The following GPATCH2 variants were observed in gnomAD, a reference collection of about 807,000 sequenced individuals.
GPATCH2 encodes the protein G-patch domain containing 2, also known as G patch domain-containing protein 2.
A neutral mutation model predicts 58.0 loss-of-function variants in GPATCH2; 51 were observed. The ratio of observed to expected loss-of-function variants is 0.88; its 90% CI spans 0.70 to 1.11. GPATCH2 has a LOEUF of 1.11. GPATCH2 is among the 50% of genes most tolerant of loss of function. GPATCH2 has a pLI of 0.00. For synonymous variants in GPATCH2, 222 were observed against 218.5 expected (o/e 1.02, Z -0.14); for missense variants, 625 against 652.2 (o/e 0.96, Z 0.45).
chr1:217,581,539 C>T (rs1473910897), intron 5 of GPATCH2, among the ~76,000 whole-genome samples: 1 of 152,182 alleles, frequency 6.6e-6, no homozygotes, highest in Admixed American at 6.5e-5. Context: ...CCCACCTCCC[C>T]CAACTTCTCA....
chr1:217,510,507 T>A (rs1210303079), intron 6 of GPATCH2, among the ~76,000 whole-genome samples: 1 of 151,234 alleles, frequency 6.6e-6, no homozygotes, highest in East Asian at 1.9e-4. Flanking sequence ...ACATAAAAAA[T>A]AAAACAACAG....
chr1:217,484,484 A>G (rs1661355956), intron 8 of GPATCH2, among the ~76,000 whole-genome samples: 1 of 151,042 alleles, frequency 6.6e-6, no homozygotes, highest in Admixed American at 6.6e-5. Flanking sequence ...TCAGCTGAAG[A>G]TCTTGGGACT....
chr1:217,460,256 T>C (rs1660145316), intron 8 of GPATCH2, among the ~76,000 whole-genome samples: 1 of 152,216 alleles, frequency 6.6e-6, no homozygotes, highest in Non-Finnish European at 1.5e-5. Flanking sequence ...CAAAGCTTTC[T>C]TGACTCCAAG....
intron 6 of GPATCH2, among the ~76,000 whole-genome samples, chr1:217,511,471 T>C (rs112779686): frequency 1.3e-5 from 2 of 152,190 alleles, no homozygotes; most frequent in African/African-American, 4.8e-5. Flanking sequence ...CCTGAGGGTA[T>C]GAACACCTTA....
intron 8 of GPATCH2, among the ~76,000 whole-genome samples, chr1:217,472,372 G>C (rs2102504059): frequency 6.8e-6 from 1 of 148,106 alleles, no homozygotes; most frequent in Non-Finnish European, 1.5e-5. Flanking sequence ...CCTGATCTCG[G>C]CTCACTGCAA....
chr1:217,435,010 C>CA (rs901860273), intron 9 of GPATCH2, among the ~76,000 whole-genome samples: 9 of 151,494 alleles, frequency 5.9e-5, no homozygotes, highest in Non-Finnish European at 1.0e-4. Flanking sequence ...ACCCAAAAAA[C>CA]AAAAAAAAGT....
At chr1:217,440,917 A>T (rs1363268976) in intron 9 of GPATCH2, among the ~76,000 whole-genome samples, 1 of 152,232 alleles carries the variant, frequency 6.6e-6, no homozygotes, top group Non-Finnish European at 1.5e-5. Context: ...AATATTGTGA[A>T]AATGGCCACG....
chr1:217,497,246 G>A (rs943594945), intron 7 of GPATCH2, among the ~76,000 whole-genome samples: 4 of 152,190 alleles, frequency 2.6e-5, no homozygotes, highest in South Asian at 4.1e-4. Flanking sequence ...ATTTAGGAAA[G>A]CAGAAAGTCT....
At chr1:217,500,360 A>G (rs1165436394) in intron 6 of GPATCH2, among the ~76,000 whole-genome samples, 2 of 151,738 alleles carry the variant, frequency 1.3e-5, no homozygotes. Flanking sequence ...GTTGTTTTCT[A>G]GATCTGTCCT....
At chr1:217,524,280 G>A (rs1663688491) in intron 5 of GPATCH2, among the ~76,000 whole-genome samples, 1 of 149,850 alleles carries the variant, frequency 6.7e-6, no homozygotes, top group East Asian at 2.0e-4. Flanking sequence ...GGGCAGAGAC[G>A]CTCCTCACTT....
At chr1:217,586,806 G>A (rs955016995) in intron 5 of GPATCH2, among the ~76,000 whole-genome samples, 1 of 152,114 alleles carries the variant, frequency 6.6e-6, no homozygotes, top group African/African-American at 2.4e-5. Flanking sequence ...ATGCCACGAG[G>A]TGACAGGAAT....
chr1:217,530,025 G>C (rs1664112178), intron 5 of GPATCH2, among the ~76,000 whole-genome samples: 1 of 152,100 alleles, frequency 6.6e-6, no homozygotes, highest in Non-Finnish European at 1.5e-5. Context: ...CAATCTACAG[G>C]TTACAAAATC....
At chr1:217,455,432 T>C in intron 8 of GPATCH2, among the ~76,000 whole-genome samples, 1 of 152,136 alleles carries the variant, frequency 6.6e-6, no homozygotes, top group South Asian at 2.1e-4. Flanking sequence ...CCACCACATG[T>C]AGTCTGAGGC....
At chr1:217,584,063 T>G (rs929240787) in intron 5 of GPATCH2, among the ~76,000 whole-genome samples, 1 of 151,668 alleles carries the variant, frequency 6.6e-6, no homozygotes, top group African/African-American at 2.4e-5. Flanking sequence ...AAATATAAGA[T>G]GAAAGGTGAG....
chr1:217,521,104 C>T (rs1051338842), intron 5 of GPATCH2, among the ~76,000 whole-genome samples: 61 of 152,294 alleles, frequency 4.0e-4, no homozygotes, highest in Non-Finnish European at 8.4e-4. Flanking sequence ...CCTCAGCCTC[C>T]CCAAGTACTG....
At chr1:217,623,678 G>T (rs774878769) in intron 1 of GPATCH2, among the ~76,000 whole-genome samples, 11 of 152,234 alleles carry the variant, frequency 7.2e-5, no homozygotes, top group Non-Finnish European at 1.3e-4. Flanking sequence ...AAGGCGGGCA[G>T]ATCACCTGAG....
At chr1:217,486,387 C>A (rs1661454940) in intron 8 of GPATCH2, among the ~76,000 whole-genome samples, 1 of 152,082 alleles carries the variant, frequency 6.6e-6, no homozygotes, top group Non-Finnish European at 1.5e-5. Flanking sequence ...CTGTTCTTGT[C>A]AAATGTCTTT....
chr1:217,608,467 GT>G, intron 5 of GPATCH2: 1 of 985,172 alleles, frequency 1.0e-6, no homozygotes, highest in African/African-American at 1.7e-5. Flanking sequence ...GTTAAGCCAT[GT>G]ATCATCAATA....
intron 1 of GPATCH2, among the ~76,000 whole-genome samples, chr1:217,624,923 G>A (rs1343720690): frequency 6.6e-6 from 1 of 152,148 alleles, no homozygotes; most frequent in Non-Finnish European, 1.5e-5. Flanking sequence ...TATTAAAATA[G>A]TCCGAATGAA....
Sources: gnomAD v4.1 joint callset for allele counts (sites outside exome capture counted in the v4.1 genomes callset) on GRCh38, gnomAD v4.1.1 for gene constraint, MANE v1.5 for transcripts, NCBI Gene and HGNC (gene_info 2026-07-23, HGNC 2026-07-21) for gene names.